Variants in ADCK1 observed in about 807,000 individuals in gnomAD.
The protein encoded by ADCK1 is aarF domain-containing protein kinase 1.
Under a neutral mutation model 52.3 loss-of-function variants are expected in ADCK1, and 41 were observed. That is an observed-to-expected ratio of 0.78 (90% CI 0.61 to 1.02). The LOEUF (loss-of-function observed/expected upper bound fraction) is 1.02, where lower values mean the gene tolerates loss of function less well. Among genes scored for constraint, ADCK1 ranks in the 50% least tolerant of loss-of-function variants. ADCK1 has a pLI of 0.00. For synonymous variants in ADCK1, 250 were observed against 274.6 expected (o/e 0.91, Z 0.89); for missense variants, 658 against 679.5 (o/e 0.97, Z 0.35).
chr14:77,877,490 C>G (rs2082925994), intron 4 of ADCK1, among the ~76,000 whole-genome samples: 1 of 152,164 alleles, frequency 6.6e-6, no homozygotes, highest in African/African-American at 2.4e-5. Flanking sequence ...TGAATGTGAG[C>G]CTTTGTGGCT....
intron 1 of ADCK1, among the ~76,000 whole-genome samples, chr14:77,815,055 AT>A (rs780290432): frequency 4.5e-3 from 615 of 136,944 alleles, no homozygotes; most frequent in African/African-American, 5.3e-3. Flanking sequence ...CGCCCAGCTA[AT>A]TTTTTTTTTT....
At chr14:77,904,086 T>C (rs2083605645) in intron 6 of ADCK1, among the ~76,000 whole-genome samples, 1 of 152,116 alleles carries the variant, frequency 6.6e-6, no homozygotes. Flanking sequence ...CATATGGTTT[T>C]GCTCTGTGGG....
At chr14:77,859,019 A>AG in intron 3 of ADCK1, 57 bp from the exon 4 acceptor site, 1 of 1,478,422 alleles carries the variant, frequency 6.8e-7, no homozygotes, top group East Asian at 2.3e-5. Context: ...GAAGGGAACA[A>AG]GGTGTAGGGA....
intron 3 of ADCK1, 149 bp downstream of exon 3, chr14:77,822,667 T>G: frequency 1.4e-6 from 1 of 691,570 alleles, no homozygotes. Context: ...GGATAAATCC[T>G]GAAGCAGCTG....
chr14:77,836,097 G>A (rs566252534), intron 3 of ADCK1, among the ~76,000 whole-genome samples: 17 of 152,280 alleles, frequency 1.1e-4, no homozygotes, highest in African/African-American at 3.6e-4. Flanking sequence ...TGCTGTTACC[G>A]TGGGAATGGG....
In ADCK1 at chr14:77,870,222, A is replaced by G. The variant is rs537240753; in HGVS notation, c.423+10943A>G. Among the ~76,000 whole-genome samples, 273 of 152,346 alleles carry G rather than the reference A, an allele frequency of 1.8e-3. 1 individual carries two copies. The highest frequency in any genetic ancestry group is 6.3e-3 in the African/African-American group (261 of 41,572). ...ATCTGAGGAGGCAGAGGCCCTGAGAAGGTAACAGCTATGTTCATGTAGCCA... is the reference window on the plus strand; with the variant it reads ...ATCTGAGGAGGCAGAGGCCCTGAGAGGGTAACAGCTATGTTCATGTAGCCA... On this transcript the variant is annotated intron_variant, in intron 4 of 10. Transcript: ENST00000238561.
At chr14:77,878,552 C>G (rs1186145038) in intron 4 of ADCK1, among the ~76,000 whole-genome samples, 1 of 152,220 alleles carries the variant, frequency 6.6e-6, no homozygotes, top group Admixed American at 6.5e-5. Context: ...TCTCCTGGTA[C>G]CACCTCTCTC....
intron 4 of ADCK1, among the ~76,000 whole-genome samples, chr14:77,868,995 G>A (rs2082720249): frequency 6.6e-6 from 1 of 152,150 alleles, no homozygotes; most frequent in African/African-American, 2.4e-5. Flanking sequence ...CTGGTGGTGG[G>A]GGTTTGGGCT....
chr14:77,903,521 A>G (rs1033907657), intron 6 of ADCK1, among the ~76,000 whole-genome samples: 4 of 152,212 alleles, frequency 2.6e-5, no homozygotes, highest in Non-Finnish European at 5.9e-5. Context: ...GGGGGCAGCT[A>G]GGCTGAATGA....
intron 4 of ADCK1, among the ~76,000 whole-genome samples, chr14:77,868,291 C>T (rs1368755152): frequency 6.6e-6 from 1 of 152,188 alleles, no homozygotes; most frequent in Non-Finnish European, 1.5e-5. Context: ...CCCAGGTCTC[C>T]TGATTCCTGA....
At chr14:77,894,647 T>C (rs2083359922) in intron 5 of ADCK1, among the ~76,000 whole-genome samples, 1 of 152,000 alleles carries the variant, frequency 6.6e-6, no homozygotes, top group South Asian at 2.1e-4. Flanking sequence ...GCCTGGCATG[T>C]AGTAGGAACT....
At position 77,934,040 on chromosome 14, in the gene ADCK1, CT is replaced by C. The variant is rs2084402323; in HGVS notation, c.*651del. 1 of 152,338 alleles carries C rather than the reference CT, an allele frequency of 6.6e-6. No individual in the cohort carries two copies. The highest frequency in any genetic ancestry group is 2.4e-5 in the African/African-American group (1 of 41,448). The allele number at this position is 152,338 out of a possible 1,614,324, so 9.4% of individuals were successfully genotyped here. ...ATGTGCTCATGGTCCTCGCCAAGGG[CT>C]TATGGTTCCTCTTGGTTGCTGCTTC... On this transcript the variant is annotated 3_prime_UTR_variant, in exon 11 of 11. Coordinates refer to ENST00000238561, the MANE Select transcript of ADCK1 (RefSeq NM_020421.4).
chr14:77,877,955 G>T (rs2082935795), intron 4 of ADCK1, among the ~76,000 whole-genome samples: 1 of 149,916 alleles, frequency 6.7e-6, no homozygotes, highest in Non-Finnish European at 1.5e-5. Flanking sequence ...TCAGCCTTCA[G>T]ATCTCTGCTG....
At chr14:77,907,731 C>T in intron 6 of ADCK1, 72 bp from the exon 7 acceptor site, 1 of 1,174,088 alleles carries the variant, frequency 8.5e-7, no homozygotes, top group Non-Finnish European at 1.2e-6. Context: ...GTCTGGCTCG[C>T]TGTGCCACAT....
At chr14:77,852,019 G>T (rs1340213738) in intron 3 of ADCK1, among the ~76,000 whole-genome samples, 2 of 150,152 alleles carry the variant, frequency 1.3e-5, no homozygotes, top group East Asian at 1.9e-4. Context: ...TTTTTTTTGA[G>T]ACAGAGTCTC....
chr14:77,928,465 ATT>A (rs35687694), intron 9 of ADCK1, among the ~76,000 whole-genome samples: 45 of 144,494 alleles, frequency 3.1e-4, no homozygotes, highest in East Asian at 1.4e-3. Context: ...TTGTTTTTGC[ATT>A]TTTTTTTTTT....
chr14:77,838,195 A>G (rs1021189882), intron 3 of ADCK1, among the ~76,000 whole-genome samples: 2 of 152,226 alleles, frequency 1.3e-5, no homozygotes, highest in Non-Finnish European at 2.9e-5. Flanking sequence ...TGTTACAGCA[A>G]GACTTTTTAA....
intron 6 of ADCK1, among the ~76,000 whole-genome samples, chr14:77,899,481 C>T (rs553482840): frequency 9.2e-5 from 14 of 152,298 alleles, no homozygotes; most frequent in Admixed American, 2.0e-4. Flanking sequence ...GTCAATTAAA[C>T]AGATGTTTAT....
intron 3 of ADCK1, among the ~76,000 whole-genome samples, chr14:77,826,371 C>G (rs943220943): frequency 9.6e-5 from 5 of 52,176 alleles, no homozygotes; most frequent in Admixed American, 7.4e-4. Context: ...AGCCAGGAGG[C>G]TAGCTTCGGC....
Sources: allele counts gnomAD v4.1 joint callset (sites outside exome capture counted in the v4.1 genomes callset), GRCh38; gene constraint gnomAD v4.1.1; transcripts MANE v1.5; gene names NCBI Gene and HGNC (gene_info 2026-07-23, HGNC 2026-07-21).